The following DOCK3 variants were observed in gnomAD, a reference collection of about 807,000 sequenced individuals.
DOCK3 encodes the protein dedicator of cytokinesis protein 3.
Under a neutral mutation model 265.6 loss-of-function variants are expected in DOCK3, and 60 were observed. The ratio of observed to expected loss-of-function variants is 0.23; its 90% CI spans 0.18 to 0.28. The LOEUF (loss-of-function observed/expected upper bound fraction) is 0.28, where lower values mean the gene tolerates loss of function less well. Among genes scored for constraint, DOCK3 ranks in the 10% least tolerant of loss-of-function variants. DOCK3 has a pLI of 1.00. For missense variants in DOCK3, 1,981 were observed against 2,594.3 expected, an observed-to-expected ratio of 0.76 and a Z score of 5.14; for synonymous variants, 881 against 938.0, an observed-to-expected ratio of 0.94 and a Z score of 1.11.
At chr3:51,090,434 G>T in intron 9 of DOCK3, 50 bp downstream of exon 9, 4 of 1,526,304 alleles carry the variant, frequency 2.6e-6, no homozygotes, top group Non-Finnish European at 3.5e-6. Flanking sequence ...GATGGTATGG[G>T]TCATAGGCAT....
chr3:50,755,222 G>A (rs755292971), intron 1 of DOCK3, among the ~76,000 whole-genome samples: 8 of 152,202 alleles, frequency 5.3e-5, no homozygotes, highest in South Asian at 2.1e-4. Flanking sequence ...CCATGTGAGC[G>A]AATGAAGTTC....
chr3:50,999,727 TCTC>T (rs1303203815), intron 5 of DOCK3, among the ~76,000 whole-genome samples: 1 of 152,112 alleles, frequency 6.6e-6, no homozygotes. Flanking sequence ...ACCTCAGACT[TCTC>T]CTTCTTGGTA....
chr3:50,992,071 T>A (rs1346568057), intron 5 of DOCK3, among the ~76,000 whole-genome samples: 1 of 152,134 alleles, frequency 6.6e-6, no homozygotes, highest in Non-Finnish European at 1.5e-5. Flanking sequence ...CATACCAGAA[T>A]CTCTGAGACA....
At chr3:51,281,278 T>A (rs1337767740) in intron 27 of DOCK3, among the ~76,000 whole-genome samples, 1 of 113,152 alleles carries the variant, frequency 8.8e-6, no homozygotes, top group Non-Finnish European at 1.7e-5. Context: ...AGCTAAAATA[T>A]ATATATATAT....
At chr3:51,352,553 G>T (rs2086069258) in intron 40 of DOCK3, among the ~76,000 whole-genome samples, 1 of 152,176 alleles carries the variant, frequency 6.6e-6, no homozygotes, top group South Asian at 2.1e-4. Flanking sequence ...GGGAATGGAG[G>T]AAAAATAACA....
chr3:50,786,501 C>A (rs556102611), intron 2 of DOCK3, among the ~76,000 whole-genome samples: 1 of 152,266 alleles, frequency 6.6e-6, no homozygotes, highest in East Asian at 1.9e-4. Flanking sequence ...CCATTTCTTT[C>A]TTTGCACACT....
At chr3:50,775,722 A>G (rs1000785857) in intron 1 of DOCK3, among the ~76,000 whole-genome samples, 1 of 151,992 alleles carries the variant, frequency 6.6e-6, no homozygotes, top group African/African-American at 2.4e-5. Context: ...TCCAATATGT[A>G]GTCTTTTATT....
intron 5 of DOCK3, among the ~76,000 whole-genome samples, chr3:50,977,764 G>A (rs371804020): frequency 6.6e-6 from 1 of 151,922 alleles, no homozygotes; most frequent in African/African-American, 2.4e-5. Context: ...CATTCTCCCC[G>A]TCACTTTCAG....
chr3:51,254,087 G>A (rs952259313), intron 22 of DOCK3, among the ~76,000 whole-genome samples: 5 of 151,932 alleles, frequency 3.3e-5, no homozygotes, highest in Non-Finnish European at 4.4e-5. Context: ...CATTGGTTTC[G>A]AAGAACATCT....
intron 35 of DOCK3, among the ~76,000 whole-genome samples, chr3:51,336,394 T>G (rs970352957): frequency 6.6e-6 from 1 of 151,860 alleles, no homozygotes; most frequent in South Asian, 2.1e-4. Context: ...TGCCAAGCCC[T>G]TGTGGCTCAG....
chr3:50,873,091 G>C (rs375724979), intron 3 of DOCK3, among the ~76,000 whole-genome samples: 1 of 152,128 alleles, frequency 6.6e-6, no homozygotes, highest in Non-Finnish European at 1.5e-5. Flanking sequence ...CCCTCCACTT[G>C]TCTCAGGCAG....
At chr3:50,815,049 T>C (rs940703145) in intron 2 of DOCK3, among the ~76,000 whole-genome samples, 5 of 152,070 alleles carry the variant, frequency 3.3e-5, no homozygotes, top group African/African-American at 4.8e-5. Flanking sequence ...GGTCTTGATC[T>C]CTTGACCTTG....
intron 9 of DOCK3, among the ~76,000 whole-genome samples, chr3:51,142,038 C>T (rs1056520040): frequency 2.7e-5 from 4 of 150,838 alleles, no homozygotes; most frequent in Admixed American, 6.6e-5. Context: ...TGTATCTACA[C>T]TGTTACTAAA....
intron 28 of DOCK3, 136 bp from the exon 29 acceptor site, chr3:51,311,868 C>G: frequency 1.7e-6 from 1 of 590,052 alleles, no homozygotes; most frequent in South Asian, 2.9e-5. Flanking sequence ...TTTTCTCTTT[C>G]CTTTATAGTC....
intron 1 of DOCK3, among the ~76,000 whole-genome samples, chr3:50,683,503 C>T (rs1460673299): frequency 1.3e-5 from 2 of 152,116 alleles, no homozygotes; most frequent in African/African-American, 4.8e-5. Flanking sequence ...GTAGTGTCTG[C>T]AGTGTTGTGA....
intron 9 of DOCK3, among the ~76,000 whole-genome samples, chr3:51,095,851 CAA>C (rs71278627): frequency 7.1e-4 from 7 of 9,804 alleles, no homozygotes; most frequent in African/African-American, 3.0e-3. Context: ...ATAAGGTTAG[CAA>C]AAAAAAAAAA....
At chr3:51,155,018 C>T (rs1239463257) in intron 10 of DOCK3, among the ~76,000 whole-genome samples, 1 of 151,930 alleles carries the variant, frequency 6.6e-6, no homozygotes, top group Non-Finnish European at 1.5e-5. Context: ...ACTCTGTGGC[C>T]CAGGCTTCAG....
rs373688614 is a variant in DOCK3 at position 51,312,095 on chromosome 3, A to G, written c.3093+16A>G. On this transcript the variant is annotated intron_variant, in intron 29 of 52. Coordinates refer to ENST00000266037, the MANE Select transcript of DOCK3 (RefSeq NM_004947.5). ...TGACTTTAAGGTAGGCACTCCTGAA[A>G]TATCCATCACTATTATTGCAATAAC... 1 of 1,586,546 alleles carries G rather than the reference A, an allele frequency of 6.3e-7. No individual in the cohort carries two copies. The highest frequency in any genetic ancestry group is 8.6e-7 in the Non-Finnish European group (1 of 1,163,810).
chr3:51,276,291 C>A, intron 25 of DOCK3: 1 of 889,522 alleles, frequency 1.1e-6, no homozygotes, highest in Non-Finnish European at 1.3e-6. Flanking sequence ...GACTTGGCAG[C>A]TCTTCTTCCC....
Sources: allele counts gnomAD v4.1 joint callset (sites outside exome capture counted in the v4.1 genomes callset), GRCh38; gene constraint gnomAD v4.1.1; transcripts MANE v1.5; gene names NCBI Gene and HGNC (gene_info 2026-07-23, HGNC 2026-07-21).